MGAT5: variants seen among roughly 807,000 people sequenced by gnomAD.
The protein encoded by MGAT5 is alpha-1,6-mannosylglycoprotein 6-beta-N-acetylglucosaminyltransferase A.
In MGAT5, 30 loss-of-function variants were observed where a neutral mutation model predicts 94.3. The ratio of observed to expected loss-of-function variants is 0.32; its 90% CI spans 0.24 to 0.43. The LOEUF (loss-of-function observed/expected upper bound fraction) is 0.43. MGAT5 is among the 20% of genes least tolerant of loss of function. The probability of loss-of-function intolerance (pLI) is 1.00; values close to 1 mark genes in which losing one functional copy is unlikely to be tolerated. For missense variants in MGAT5, 691 were observed against 905.5 expected (o/e 0.76, Z 3.04); for synonymous variants, 310 against 322.9 (o/e 0.96, Z 0.43).
chr2:134,454,122 C>T lies in MGAT5; in HGVS notation c.*5275C>T, dbSNP rs1348128614. 1 of 152,240 alleles carries T rather than the reference C, an allele frequency of 6.6e-6. No individual in the cohort carries two copies. Among genetic ancestry groups the T allele is most frequent in the African/African-American group, 2.4e-5 (1 of 41,432 alleles). 9.4% of individuals were successfully genotyped at this position (152,240 alleles called of 1,614,324 possible). Reference sequence around the variant, plus strand: ...CTCCCTCAATGCCACCCTGACCCCACGGCTGGAGAACCCTGTGCTTATGTG... The same window carrying T: ...CTCCCTCAATGCCACCCTGACCCCATGGCTGGAGAACCCTGTGCTTATGTG... On this transcript the variant is annotated 3_prime_UTR_variant, in exon 16 of 16. Transcript: ENST00000281923.
intron 6 of MGAT5, among the ~76,000 whole-genome samples, 167 bp downstream of exon 6, chr2:134,338,587 A>G (rs1688462444): frequency 6.6e-6 from 1 of 152,074 alleles, no homozygotes; most frequent in Non-Finnish European, 1.5e-5. Context: ...TTCCCCACTT[A>G]CAATGCTCCC....
At chr2:134,233,333 G>C (rs1331196737) in intron 1 of MGAT5, among the ~76,000 whole-genome samples, 1 of 152,150 alleles carries the variant, frequency 6.6e-6, no homozygotes, top group African/African-American at 2.4e-5. Flanking sequence ...CAGACTTTTA[G>C]GTGCTGACCC....
chr2:134,428,772 G>T (rs1280216355), intron 14 of MGAT5, among the ~76,000 whole-genome samples: 1 of 152,210 alleles, frequency 6.6e-6, no homozygotes, highest in East Asian at 1.9e-4. Flanking sequence ...GGCAAGAATT[G>T]AAACCAGCTT....
intron 10 of MGAT5, among the ~76,000 whole-genome samples, chr2:134,372,142 T>C (rs907368758): frequency 6.6e-6 from 1 of 152,130 alleles, no homozygotes; most frequent in East Asian, 1.9e-4. Flanking sequence ...ATTTTCCTTG[T>C]TCAGAAAAAC....
chr2:134,402,181 T>C (rs1186929466), intron 10 of MGAT5, among the ~76,000 whole-genome samples: 1 of 152,222 alleles, frequency 6.6e-6, no homozygotes, highest in East Asian at 1.9e-4. Context: ...TTGTACAGTT[T>C]AGTCACAGGG....
chr2:134,226,019 G>A (rs1161960806), intron 1 of MGAT5, among the ~76,000 whole-genome samples: 2 of 152,182 alleles, frequency 1.3e-5, no homozygotes, highest in Non-Finnish European at 2.9e-5. Context: ...CATTTGTTTA[G>A]TTACCACCTG....
At chr2:134,344,814 T>G (rs1255528782) in intron 7 of MGAT5, 116 bp from the exon 8 acceptor site, 2 of 1,218,026 alleles carry the variant, frequency 1.6e-6, no homozygotes. Flanking sequence ...GGCCATGCTG[T>G]CATCTCTAAA....
In MGAT5 at chr2:134,361,210, C is replaced by G. The variant is rs367957945; in HGVS notation, c.1247-1065C>G. Among the ~76,000 whole-genome samples the G allele has an allele frequency of 1.2e-4, 18 of 152,328 alleles. No homozygotes were observed. The East Asian group carries it at 3.1e-3, about 26-fold the overall frequency. Reference sequence around the variant, plus strand: ...ACCAGCTTCCTCTGTTTGTTGACCACCTATCTGTGAATGGATGTGGTGGAC... The same window carrying G: ...ACCAGCTTCCTCTGTTTGTTGACCAGCTATCTGTGAATGGATGTGGTGGAC... On this transcript the variant is annotated intron_variant, in intron 9 of 15. Transcript: ENST00000281923.
intron 1 of MGAT5, among the ~76,000 whole-genome samples, chr2:134,189,619 T>TTTTTTTTTTTTTTTTTTTTTTC (rs1203422442): frequency 6.9e-6 from 1 of 144,490 alleles, no homozygotes; most frequent in African/African-American, 2.6e-5. Flanking sequence ...TTTTTTTTTT[T>TTTTTTTTTTTTTTTTTTTTTTC]TAAGACAGAG....
intron 1 of MGAT5, among the ~76,000 whole-genome samples, chr2:134,243,116 A>T (rs1055360751): frequency 6.6e-6 from 1 of 151,964 alleles, no homozygotes; most frequent in Admixed American, 6.6e-5. Context: ...GGGCCAATAG[A>T]GTTGTTATAG....
chr2:134,177,225 G>A (rs1688514644), intron 1 of MGAT5, among the ~76,000 whole-genome samples: 1 of 149,348 alleles, frequency 6.7e-6, no homozygotes, highest in Non-Finnish European at 1.5e-5. Context: ...ATAGTTTTAG[G>A]TTGATAAACA....
rs193279413 is a variant in MGAT5, at chr2:134,177,060, C to T, written c.-143+56769C>T. On this transcript the variant is annotated intron_variant, in intron 1 of 16. Transcript: ENST00000409645. ...CATGCTGCAGTTATCTCATATACCC[C>T]CTCAGCCACCATGACCAGATATCTG... Among the ~76,000 whole-genome samples, 212 of 146,944 alleles carry T rather than the reference C, an allele frequency of 1.4e-3. 1 individual carries two copies. Among genetic ancestry groups the T allele is most frequent in the Middle Eastern group, 0.014 (4 of 294 alleles).
At chr2:134,181,798 A>G (rs1688746385) in intron 1 of MGAT5, among the ~76,000 whole-genome samples, 1 of 152,224 alleles carries the variant, frequency 6.6e-6, no homozygotes, top group Non-Finnish European at 1.5e-5. Flanking sequence ...CCCAATGCAC[A>G]TGGACTCAGC....
chr2:134,140,157 GC>G (rs1443513888), intron 1 of MGAT5, among the ~76,000 whole-genome samples: 1 of 152,198 alleles, frequency 6.6e-6, no homozygotes, highest in African/African-American at 2.4e-5. Flanking sequence ...ATGATCTCTG[GC>G]TGTCTTTATG....
At chr2:134,278,539 TC>T (rs767735911) in intron 2 of MGAT5, among the ~76,000 whole-genome samples, 43 of 152,142 alleles carry the variant, frequency 2.8e-4, no homozygotes, top group Admixed American at 1.7e-3. Flanking sequence ...TAGGAGAGGG[TC>T]CCTGAAGAGA....
intron 1 of MGAT5, among the ~76,000 whole-genome samples, chr2:134,129,672 G>A (rs921254607): frequency 1.4e-5 from 2 of 139,518 alleles, no homozygotes; most frequent in Non-Finnish European, 3.0e-5. Context: ...ATGTTGAGCT[G>A]AGTACTTTTT....
At chr2:134,149,286 T>C (rs972744169) in intron 1 of MGAT5, among the ~76,000 whole-genome samples, 2 of 152,186 alleles carry the variant, frequency 1.3e-5, no homozygotes, top group African/African-American at 4.8e-5. Context: ...TGTTGTGCAA[T>C]GTACAAGATC....
intron 10 of MGAT5, among the ~76,000 whole-genome samples, chr2:134,375,722 A>G (rs1681125777): frequency 6.6e-6 from 1 of 152,234 alleles, no homozygotes; most frequent in South Asian, 2.1e-4. Context: ...GTGGTAGAGC[A>G]TATCTCTTGA....
chr2:134,185,718 C>G (rs1190597355), intron 1 of MGAT5, among the ~76,000 whole-genome samples: 1 of 152,160 alleles, frequency 6.6e-6, no homozygotes, highest in Non-Finnish European at 1.5e-5. Flanking sequence ...CCATCTTTCC[C>G]TAACCTGCTC....
Sources: gnomAD v4.1 joint callset for allele counts (sites outside exome capture counted in the v4.1 genomes callset) on GRCh38, gnomAD v4.1.1 for gene constraint, MANE v1.5 for transcripts, NCBI Gene and HGNC (gene_info 2026-07-23, HGNC 2026-07-21) for gene names.